AGPAT5: variants seen among roughly 807,000 people sequenced by gnomAD.
The protein encoded by AGPAT5 is 1-acylglycerol-3-phosphate O-acyltransferase 5.
In AGPAT5, 46 loss-of-function variants were observed where a neutral mutation model predicts 45.6. The ratio of observed to expected loss-of-function variants is 1.01; its 90% CI spans 0.80 to 1.29. The LOEUF (loss-of-function observed/expected upper bound fraction) is 1.29. Ranked by LOEUF, AGPAT5 falls within the 50% of genes most tolerant of loss-of-function variation. The pLI, the probability that AGPAT5 is intolerant of heterozygous loss-of-function variation, is 0.00. For synonymous variants in AGPAT5, 272 were observed against 167.0 expected (o/e 1.63, Z -4.85); for missense variants, 673 against 450.7 (o/e 1.49, Z -4.47).
chr8:6,752,439 A>G (rs914870938), intron 6 of AGPAT5, among the ~76,000 whole-genome samples: 2 of 152,138 alleles, frequency 1.3e-5, no homozygotes, highest in South Asian at 2.1e-4. Context: ...ACAGCTGTAC[A>G]TGTCAGTATA....
At chr8:6,709,179 G>C (rs1327424330) in intron 1 of AGPAT5, 1 of 486,828 alleles carries the variant, frequency 2.1e-6, no homozygotes, top group African/African-American at 2.0e-5. Flanking sequence ...GCAGATGCAC[G>C]TTTTAAATAA....
intron 1 of AGPAT5, among the ~76,000 whole-genome samples, chr8:6,711,615 A>T (rs934372688): frequency 2.0e-4 from 30 of 152,214 alleles, no homozygotes; most frequent in African/African-American, 7.2e-4. Context: ...GTGCTGCCAA[A>T]ACAGATCACC....
rs1801960023 is a variant in AGPAT5 at position 6,759,494 on chromosome 8, T to C, written c.*2106T>C. 1 of 152,254 alleles carries C rather than the reference T, an allele frequency of 6.6e-6. No individual in the cohort carries two copies. The highest frequency in any genetic ancestry group is 2.4e-5 in the African/African-American group (1 of 41,466). 9.4% of individuals were successfully genotyped at this position (152,254 alleles called of 1,614,324 possible). ...AAATTAAGAGCCGTATACCTACCTG[T>C]AAGTCTTTTCACATATCATTTAAAC... On this transcript the variant is annotated 3_prime_UTR_variant, in exon 8 of 8. Coordinates refer to ENST00000285518, the MANE Select transcript of AGPAT5 (RefSeq NM_018361.5).
chr8:6,759,226 G>A lies in AGPAT5; in HGVS notation c.*1838G>A, dbSNP rs983149079. ...GATTTAATATATTTTGAATATAATGGGTATGTTCTAAATTTGAACTTTGAG... is the reference window on the plus strand; with the variant it reads ...GATTTAATATATTTTGAATATAATGAGTATGTTCTAAATTTGAACTTTGAG... On this transcript the variant is annotated 3_prime_UTR_variant, in exon 8 of 8. Transcript: ENST00000285518. 6.6e-6 allele frequency: 1 copy of A among 151,980 alleles called. No individual in the cohort carries two copies. The highest frequency in any genetic ancestry group is 1.5e-5 in the Non-Finnish European group (1 of 68,012). 9.4% of individuals were successfully genotyped at this position (151,980 alleles called of 1,614,324 possible).
At chr8:6,728,055 A>C (rs967001411) in intron 2 of AGPAT5, among the ~76,000 whole-genome samples, 1 of 152,210 alleles carries the variant, frequency 6.6e-6, no homozygotes, top group African/African-American at 2.4e-5. Context: ...AGCGCTGCAC[A>C]TGCAGTATCT....
At chr8:6,730,136 C>A (rs1008445881) in intron 2 of AGPAT5, among the ~76,000 whole-genome samples, 1 of 151,526 alleles carries the variant, frequency 6.6e-6, no homozygotes, top group African/African-American at 2.4e-5. Flanking sequence ...TTTAGAGAAG[C>A]TCATTTTGTT....
chr8:6,720,814 G>A (rs1800473652), intron 1 of AGPAT5, among the ~76,000 whole-genome samples: 1 of 152,124 alleles, frequency 6.6e-6, no homozygotes, highest in Non-Finnish European at 1.5e-5. Context: ...TGCTGGAGTT[G>A]GAAGAACCAG....
intron 1 of AGPAT5, 31 bp from the exon 2 acceptor site, chr8:6,724,839 C>A: frequency 1.4e-6 from 1 of 712,118 alleles, no homozygotes; most frequent in South Asian, 4.3e-5. Flanking sequence ...TTTAAAATAT[C>A]AAAGTAATGT....
At chr8:6,720,082 G>A (rs1800452361) in intron 1 of AGPAT5, among the ~76,000 whole-genome samples, 1 of 152,154 alleles carries the variant, frequency 6.6e-6, no homozygotes, top group African/African-American at 2.4e-5. Flanking sequence ...TTCTACCTAT[G>A]CTGCATATGA....
rs183421077 is a variant in AGPAT5, at chr8:6,755,247, C to A, written c.869+73C>A. Reference sequence around the variant, plus strand: ...TTTCAGTATAGTCAACAATTTGAAACCAATGTAAATGGTTATATTGTCTCA... The same window carrying A: ...TTTCAGTATAGTCAACAATTTGAAAACAATGTAAATGGTTATATTGTCTCA... On this transcript the variant is annotated intron_variant, in intron 7 of 7. Coordinates refer to ENST00000285518, the MANE Select transcript of AGPAT5 (RefSeq NM_018361.5). 8.0e-5 allele frequency: 117 copies of A among 1,453,932 alleles called. 1 individual carries two copies. In the African/African-American group the frequency reaches 1.6e-3, roughly 20 times the overall value. 90.1% of individuals were successfully genotyped at this position (1,453,932 alleles called of 1,614,324 possible).
rs1002972462 is a variant in AGPAT5 at position 6,760,419 on chromosome 8, T to A, written c.*3031T>A. Among the ~76,000 whole-genome samples, 1 of 151,934 alleles carries A rather than the reference T, an allele frequency of 6.6e-6. No homozygotes were observed. The highest frequency in any genetic ancestry group is 1.5e-5 in the Non-Finnish European group (1 of 67,992). On this transcript the variant is annotated 3_prime_UTR_variant, in exon 8 of 8. Transcript: ENST00000285518. ...ACTCTTAGAAAATGAAAAGGAAATA[T>A]AGAAATATAAAATTTGCTTATTATA...
Position 6,730,770 on chromosome 8 carries a change from T to C in AGPAT5, c.349T>C (p.Tyr117His), listed in dbSNP as rs1800836208. ...IRQNALGHVR[Y>H]VLKEGLKWLP... ...GCAGAATGCGCTAGGACATGTGCGC[T>C]ACGTGCTGAAAGAAGGGTTAAAATG... The change falls in exon 3 of 8, where the codon TAC (tyrosine) becomes CAC (histidine). Residue 117 changes from tyrosine (Y) to histidine (H), a missense_variant. By Grantham distance (83) the Tyr-to-His change is moderately conservative (BLOSUM62 2). Transcript: ENST00000285518. 6.2e-7 allele frequency: 1 copy of C among 1,613,628 alleles called. No individual in the cohort carries two copies. Among genetic ancestry groups the C allele is most frequent in the African/African-American group, 1.3e-5 (1 of 74,914 alleles).
At chr8:6,716,285 G>A (rs112546082) in intron 1 of AGPAT5, among the ~76,000 whole-genome samples, 4,854 of 152,168 alleles carry the variant, frequency 0.032, 131 homozygotes, top group African/African-American at 0.07. Flanking sequence ...GTCTGGGCAC[G>A]GTGTGGCTCA....
Position 6,749,727 on chromosome 8 carries a change from G to A in AGPAT5, c.745+1899G>A, listed in dbSNP as rs184487259. ...AAACAGACAGTTCATCAAGATTGTC[G>A]TTGGTTTATTAAACATAGTTTAAGA... On this transcript the variant is annotated intron_variant, in intron 6 of 7. Transcript: ENST00000285518. 9.5e-4 allele frequency among the ~76,000 whole-genome samples: 144 copies of A among 152,220 alleles called. 1 individual carries two copies. The highest frequency in any genetic ancestry group is 1.5e-3 in the Non-Finnish European group (104 of 68,018).
intron 4 of AGPAT5, among the ~76,000 whole-genome samples, chr8:6,736,922 T>A (rs1050797464): frequency 4.6e-5 from 7 of 152,392 alleles, no homozygotes; most frequent in African/African-American, 1.4e-4. Context: ...GTCTTGTAAA[T>A]CAAAGTTCTG....
At chr8:6,734,166 T>C in intron 4 of AGPAT5, among the ~76,000 whole-genome samples, 1 of 152,224 alleles carries the variant, frequency 6.6e-6, no homozygotes, top group East Asian at 1.9e-4. Flanking sequence ...TAAATATTAT[T>C]CCTACCCCAG....
At chr8:6,709,256 G>T in intron 1 of AGPAT5, 2 of 302,650 alleles carry the variant, frequency 6.6e-6, no homozygotes, top group Non-Finnish European at 6.4e-6. Context: ...ACAGATCGGA[G>T]ACGTCTACAC....
At chr8:6,727,825 A>G (rs1021922524) in intron 2 of AGPAT5, among the ~76,000 whole-genome samples, 2 of 152,226 alleles carry the variant, frequency 1.3e-5, no homozygotes, top group African/African-American at 4.8e-5. Context: ...CCTGTTCGGC[A>G]TTGCAGAAAT....
At chr8:6,721,929 G>A (rs370130156) in intron 1 of AGPAT5, among the ~76,000 whole-genome samples, 5 of 152,168 alleles carry the variant, frequency 3.3e-5, no homozygotes, top group African/African-American at 1.2e-4. Context: ...CTGAAGCCAA[G>A]CGATTCTTCT....
Sources: allele counts gnomAD v4.1 joint callset (sites outside exome capture counted in the v4.1 genomes callset), GRCh38; gene constraint gnomAD v4.1.1; transcripts MANE v1.5; gene names NCBI Gene and HGNC (gene_info 2026-07-23, HGNC 2026-07-21).